SLC44A1: variants seen among roughly 807,000 people sequenced by gnomAD.
The protein encoded by SLC44A1 is solute carrier family 44 member 1.
SLC44A1 carries 26 observed loss-of-function variants against 79.3 expected under a neutral mutation model. The ratio of observed to expected loss-of-function variants is 0.33; its 90% CI spans 0.24 to 0.46. SLC44A1 has a LOEUF of 0.46. SLC44A1 is among the 20% of genes least tolerant of loss of function. The pLI, the probability that SLC44A1 is intolerant of heterozygous loss-of-function variation, is 1.00. For synonymous variants in SLC44A1, 263 were observed against 286.2 expected (o/e 0.92, Z 0.82); for missense variants, 688 against 798.1 (o/e 0.86, Z 1.66).
intron 1 of SLC44A1, among the ~76,000 whole-genome samples, chr9:105,270,725 A>G (rs1334822460): frequency 6.6e-6 from 1 of 152,136 alleles, no homozygotes; most frequent in African/African-American, 2.4e-5. Flanking sequence ...ATCACCTGAA[A>G]TCATTATCTA....
At chr9:105,411,328 C>G (rs1254345435) in intron 15 of SLC44A1, among the ~76,000 whole-genome samples, 1 of 151,452 alleles carries the variant, frequency 6.6e-6, no homozygotes, top group African/African-American at 2.4e-5. Flanking sequence ...CTCATTTCCA[C>G]TCCTCTATCC....
At chr9:105,333,417 T>A (rs1371081482) in intron 3 of SLC44A1, among the ~76,000 whole-genome samples, 1 of 152,024 alleles carries the variant, frequency 6.6e-6, no homozygotes, top group Non-Finnish European at 1.5e-5. Context: ...ACTGTGAGAG[T>A]TAAATGAGTT....
rs138719984 is a variant in SLC44A1, at chr9:105,364,772, C to T, written c.1253+52C>T. On this transcript the variant is annotated intron_variant, in intron 10 of 15. Coordinates refer to ENST00000374720, the MANE Select transcript of SLC44A1 (RefSeq NM_080546.5). ...TCGAGTTCATCTAAGGGATGGTGTC[C>T]GCAGGCTGGAGGGGAAGGGAATCAG... is the stretch of plus-strand genomic sequence containing the variant. The T allele has an allele frequency of 8.3e-5, 122 of 1,474,386 alleles. 1 individual carries two copies. In the Middle Eastern group the frequency reaches 1.3e-3, roughly 15 times the overall value. The allele number at this position is 1,474,386 out of a possible 1,614,324, so 91.3% of individuals were successfully genotyped here.
chr9:105,254,105 A>G (rs1375590932), intron 1 of SLC44A1, among the ~76,000 whole-genome samples: 1 of 152,200 alleles, frequency 6.6e-6, no homozygotes, highest in Admixed American at 6.5e-5. Flanking sequence ...ATTAAGGAAA[A>G]TTGATTATCT....
intron 15 of SLC44A1, among the ~76,000 whole-genome samples, chr9:105,406,626 C>A (rs1167810299): frequency 6.6e-6 from 1 of 152,072 alleles, no homozygotes; most frequent in Non-Finnish European, 1.5e-5. Context: ...TCTGTAGTCC[C>A]ACCTACTCAG....
chr9:105,386,249 A>G (rs1434014981), intron 15 of SLC44A1: 1 of 979,798 alleles, frequency 1.0e-6, no homozygotes, highest in Non-Finnish European at 1.2e-6. Flanking sequence ...TTTCACATGG[A>G]TATTGTCACT....
At chr9:105,414,334 C>T (rs1344561293) in intron 15 of SLC44A1, among the ~76,000 whole-genome samples, 3 of 152,164 alleles carry the variant, frequency 2.0e-5, no homozygotes, top group South Asian at 4.2e-4. Flanking sequence ...GGATTATAGG[C>T]GTGAGCCACC....
chr9:105,385,173 C>G (rs1406274772), intron 14 of SLC44A1, among the ~76,000 whole-genome samples: 3 of 152,124 alleles, frequency 2.0e-5, no homozygotes, highest in Non-Finnish European at 2.9e-5. Flanking sequence ...CTAACATTAT[C>G]TCTTGGAGCC....
intron 12 of SLC44A1, among the ~76,000 whole-genome samples, chr9:105,371,091 TG>T (rs1275771576): frequency 2.0e-5 from 3 of 152,234 alleles, no homozygotes; most frequent in Non-Finnish European, 2.9e-5. Context: ...ATTAAATTGT[TG>T]AACTGAAGAA....
chr9:105,292,981 T>G (rs1178279032), intron 1 of SLC44A1, among the ~76,000 whole-genome samples: 1 of 151,938 alleles, frequency 6.6e-6, no homozygotes, highest in African/African-American at 2.4e-5. Flanking sequence ...GGCAACATGG[T>G]GAAACCCAAT....
At chr9:105,402,718 C>T (rs1032778309) in intron 15 of SLC44A1, among the ~76,000 whole-genome samples, 16 of 152,216 alleles carry the variant, frequency 1.1e-4, no homozygotes, top group African/African-American at 3.6e-4. Context: ...TACTCTTCTA[C>T]ATTGTCATGC....
At chr9:105,283,211 A>T (rs1830400002) in intron 1 of SLC44A1, among the ~76,000 whole-genome samples, 1 of 152,170 alleles carries the variant, frequency 6.6e-6, no homozygotes, top group Non-Finnish European at 1.5e-5. Flanking sequence ...TGGAGAAACA[A>T]CCTTGTTTTA....
At chr9:105,335,459 A>G in intron 3 of SLC44A1, 104 bp from the exon 4 acceptor site, 1 of 759,002 alleles carries the variant, frequency 1.3e-6, no homozygotes, top group Non-Finnish European at 2.1e-6. Flanking sequence ...TTTATCGTGG[A>G]GGAATGTGGA....
At chr9:105,349,658 T>G (rs1203090337) in intron 5 of SLC44A1, among the ~76,000 whole-genome samples, 1 of 152,184 alleles carries the variant, frequency 6.6e-6, no homozygotes, top group African/African-American at 2.4e-5. Flanking sequence ...GGGGATCCTT[T>G]GAATAGTCTT....
chr9:105,347,398 G>A (rs1315996332), intron 4 of SLC44A1, among the ~76,000 whole-genome samples: 1 of 151,754 alleles, frequency 6.6e-6, no homozygotes, highest in Non-Finnish European at 1.5e-5. Flanking sequence ...CTGGAGCCTG[G>A]GTCTCCTCAC....
intron 15 of SLC44A1, among the ~76,000 whole-genome samples, chr9:105,413,067 G>T (rs150938380): frequency 1.8e-3 from 267 of 152,298 alleles, no homozygotes; most frequent in Non-Finnish European, 2.9e-3. Context: ...AAGGGATGTT[G>T]TAGAAAAAAT....
intron 13 of SLC44A1, among the ~76,000 whole-genome samples, chr9:105,381,647 C>T (rs1366538869): frequency 6.6e-6 from 1 of 151,690 alleles, no homozygotes; most frequent in Non-Finnish European, 1.5e-5. Flanking sequence ...AAGTAATTAA[C>T]CATCTATGGA....
chr9:105,284,814 T>C (rs1385988860), intron 1 of SLC44A1, among the ~76,000 whole-genome samples: 1 of 152,198 alleles, frequency 6.6e-6, no homozygotes, highest in African/African-American at 2.4e-5. Flanking sequence ...ATATAATTCA[T>C]ATACCATACA....
At chr9:105,360,234 C>A (rs940937759) in intron 7 of SLC44A1, among the ~76,000 whole-genome samples, 1 of 152,168 alleles carries the variant, frequency 6.6e-6, no homozygotes, top group African/African-American at 2.4e-5. Flanking sequence ...GTCTTTGATT[C>A]CATTGCTCAG....
Sources: allele counts gnomAD v4.1 joint callset (sites outside exome capture counted in the v4.1 genomes callset), GRCh38; gene constraint gnomAD v4.1.1; transcripts MANE v1.5; gene names NCBI Gene and HGNC (gene_info 2026-07-23, HGNC 2026-07-21).